The following KIAA2012 variants were observed in gnomAD, a reference collection of about 807,000 sequenced individuals.
KIAA2012 encodes the protein KIAA2012, also known as uncharacterized protein KIAA2012.
A neutral mutation model predicts 150.6 loss-of-function variants in KIAA2012; 125 were observed. That is an observed-to-expected ratio of 0.83 (90% CI 0.72 to 0.96). The LOEUF (loss-of-function observed/expected upper bound fraction) is 0.96. KIAA2012 is among the 40% of genes least tolerant of loss of function. The pLI, the probability that KIAA2012 is intolerant of heterozygous loss-of-function variation, is 0.00. For synonymous variants in KIAA2012, 462 were observed against 504.7 expected (o/e 0.92, Z 1.13); for missense variants, 1,219 against 1,354.9 (o/e 0.90, Z 1.57).
chr2:202,121,755 C>T (rs555681751), intron 11 of KIAA2012, among the ~76,000 whole-genome samples: 1 of 152,316 alleles, frequency 6.6e-6, no homozygotes, highest in African/African-American at 2.4e-5. Context: ...ACTGCAGTCA[C>T]TGCCCTCAAG....
intron 2 of KIAA2012, among the ~76,000 whole-genome samples, chr2:202,089,911 A>G (rs1689675866): frequency 6.6e-6 from 1 of 152,238 alleles, no homozygotes; most frequent in Admixed American, 6.5e-5. Context: ...TGCATGTTAT[A>G]TAATTTATGC....
chr2:202,203,462 G>A (rs1475773577), intron 23 of KIAA2012, among the ~76,000 whole-genome samples: 4 of 152,084 alleles, frequency 2.6e-5, no homozygotes, highest in East Asian at 1.9e-4. Flanking sequence ...TCACATCCTC[G>A]AAGTATAGAT....
At chr2:202,095,062 G>A (rs919655355) in intron 4 of KIAA2012, among the ~76,000 whole-genome samples, 6 of 152,144 alleles carry the variant, frequency 3.9e-5, no homozygotes, top group Admixed American at 3.9e-4. Flanking sequence ...AGTGTTGCAT[G>A]TGGGAATTAA....
At chr2:202,097,922 C>G (rs910443057) in intron 5 of KIAA2012, among the ~76,000 whole-genome samples, 1 of 152,178 alleles carries the variant, frequency 6.6e-6, no homozygotes, top group Non-Finnish European at 1.5e-5. Context: ...TCTCTTCTGT[C>G]ATTGTTCTTG....
chr2:202,203,772 CTTTT>C (rs34967234), intron 23 of KIAA2012, among the ~76,000 whole-genome samples: 1 of 143,996 alleles, frequency 6.9e-6, no homozygotes, highest in Admixed American at 6.9e-5. Context: ...ACCAGGATGT[CTTTT>C]TTTTTTTTTT....
intron 11 of KIAA2012, chr2:202,116,768 T>C (rs1375631275): frequency 6.6e-6 from 1 of 152,158 alleles, no homozygotes; most frequent in African/African-American, 2.4e-5. Flanking sequence ...GAGTGGGATA[T>C]GATGGCTCAC....
At chr2:202,204,069 GTTTT>G (rs1341441894) in intron 23 of KIAA2012, among the ~76,000 whole-genome samples, 18 of 82,042 alleles carry the variant, frequency 2.2e-4, no homozygotes, top group Admixed American at 9.1e-4. Context: ...GCACCCAGCG[GTTTT>G]TTGTTTTTTT....
chr2:202,113,750 G>T, intron 11 of KIAA2012: 1 of 283,194 alleles, frequency 3.5e-6, no homozygotes, highest in South Asian at 5.4e-5. Context: ...TTTGGTATTT[G>T]CCCAAACTAA....
At position 202,075,164 on chromosome 2, in the gene KIAA2012, G is replaced by A; in HGVS notation, c.358G>A (p.Gly120Arg). ...CCTCAAAGAAGCCATCCTGGCATAT[G>A]GAAGGCAGCAGGTAGGCAGAACGCT... is the stretch of plus-strand genomic sequence containing the variant. ...QDLKEAILAY[G>R]RQQGEQDRAW... The change falls in exon 2 of 24, where the codon GGA becomes AGA. Residue 120 changes from glycine to arginine, a missense_variant. By Grantham distance (125) the Gly-to-Arg change is moderately radical (BLOSUM62 -2). Coordinates refer to ENST00000498697, the MANE Select transcript of KIAA2012 (RefSeq NM_001277372.4). 1 of 1,545,186 alleles carries A rather than the reference G, an allele frequency of 6.5e-7. No homozygotes were observed. Among genetic ancestry groups the A allele is most frequent in the Non-Finnish European group, 8.7e-7 (1 of 1,145,384 alleles).
chr2:202,179,138 T>C, intron 15 of KIAA2012: 1 of 462,882 alleles, frequency 2.2e-6, no homozygotes, highest in South Asian at 2.0e-5. Context: ...TTGGTTTTGT[T>C]TTAATATTCA....
chr2:202,141,294 G>A (rs1288903767), intron 13 of KIAA2012, among the ~76,000 whole-genome samples: 1 of 152,116 alleles, frequency 6.6e-6, no homozygotes, highest in African/African-American at 2.4e-5. Flanking sequence ...CCCAAGGAGC[G>A]GGGCCTAGGC....
chr2:202,156,959 G>A (rs140160350), intron 14 of KIAA2012, among the ~76,000 whole-genome samples: 26 of 152,280 alleles, frequency 1.7e-4, no homozygotes, highest in African/African-American at 5.8e-4. Context: ...TGTATATTTA[G>A]TATCCACAAT....
intron 13 of KIAA2012, among the ~76,000 whole-genome samples, chr2:202,150,804 AC>A (rs1691411342): frequency 6.6e-6 from 1 of 152,016 alleles, no homozygotes; most frequent in South Asian, 2.1e-4. Flanking sequence ...GAAACAAAAA[AC>A]CTTCAGGCAT....
intron 12 of KIAA2012, chr2:202,136,737 G>A (rs2105943534): frequency 6.6e-6 from 1 of 152,484 alleles, no homozygotes; most frequent in Admixed American, 6.5e-5. Context: ...ACACCTCCCG[G>A]CGAGCAGAGG....
chr2:202,166,773 TA>T (rs1691775992), intron 15 of KIAA2012, among the ~76,000 whole-genome samples: 1 of 152,208 alleles, frequency 6.6e-6, no homozygotes, highest in South Asian at 2.1e-4. Context: ...TGGTTAATTA[TA>T]AGCAGTGAAC....
rs936422561 is a variant in KIAA2012, at chr2:202,165,427, G to A, written c.2119+71G>A. The A allele has an allele frequency of 6.2e-6, 9 of 1,446,210 alleles. No individual in the cohort carries two copies. In the African/African-American group the frequency reaches 1.1e-4, roughly 18 times the overall value. The allele number at this position is 1,446,210 out of a possible 1,614,324, so 89.6% of individuals were successfully genotyped here. A position where few individuals can be genotyped will look rare whatever the true frequency, so the allele number is the denominator to read the frequency against. ...TCAGATGAACTTTGCACTGTTAAAA[G>A]ATGTTAATGGGAGGCCAGGCACGGT... On this transcript the variant is annotated intron_variant, in intron 15 of 23. Coordinates refer to ENST00000498697, the MANE Select transcript of KIAA2012 (RefSeq NM_001277372.4).
intron 13 of KIAA2012, among the ~76,000 whole-genome samples, chr2:202,149,570 A>G (rs1691381110): frequency 6.6e-6 from 1 of 152,192 alleles, no homozygotes; most frequent in African/African-American, 2.4e-5. Flanking sequence ...TTAGACAGTG[A>G]GAGTGTTGCA....
intron 10 of KIAA2012, among the ~76,000 whole-genome samples, chr2:202,112,846 A>C (rs960186073): frequency 2.0e-5 from 3 of 152,188 alleles, no homozygotes; most frequent in Admixed American, 2.0e-4. Flanking sequence ...AGCATCCTTC[A>C]TCTTGACCTG....
intron 22 of KIAA2012, among the ~76,000 whole-genome samples, chr2:202,198,753 C>G (rs1488935532): frequency 2.0e-5 from 3 of 152,084 alleles, no homozygotes; most frequent in African/African-American, 7.2e-5. Flanking sequence ...CGTGTGATTC[C>G]AACGTTAACT....
Sources: allele counts gnomAD v4.1 joint callset (sites outside exome capture counted in the v4.1 genomes callset), GRCh38; gene constraint gnomAD v4.1.1; transcripts MANE v1.5; gene names NCBI Gene and HGNC (gene_info 2026-07-23, HGNC 2026-07-21).